Variants in CSMD1 observed in about 807,000 individuals in gnomAD.
CSMD1 encodes CUB and Sushi multiple domains 1.
A neutral mutation model predicts 417.5 loss-of-function variants in CSMD1; 213 were observed. The observed-to-expected ratio is 0.51, with a 90% confidence interval of 0.46 to 0.57. The LOEUF (loss-of-function observed/expected upper bound fraction) is 0.57. Ranked by LOEUF, CSMD1 falls within the 20% of genes least tolerant of loss-of-function variation. CSMD1 has a pLI of 0.00. For missense variants in CSMD1, 6,923 were observed against 4,529.7 expected (o/e 1.53, Z -15.17); for synonymous variants, 2,862 against 1,736.8 (o/e 1.65, Z -16.11).
At chr8:3,064,147 G>A (rs948279523) in intron 49 of CSMD1, among the ~76,000 whole-genome samples, 1 of 152,166 alleles carries the variant, frequency 6.6e-6, no homozygotes, top group African/African-American at 2.4e-5. Flanking sequence ...TACTGAATAC[G>A]TTTTCAACAA....
At chr8:4,209,640 C>T (rs1387837002) in intron 3 of CSMD1, among the ~76,000 whole-genome samples, 9 of 152,094 alleles carry the variant, frequency 5.9e-5, no homozygotes, top group Admixed American at 1.3e-4. Context: ...TGGGGCTTAG[C>T]CTGGGAGGGT....
At chr8:4,177,606 G>T (rs372923257) in intron 3 of CSMD1, among the ~76,000 whole-genome samples, 3 of 149,686 alleles carry the variant, frequency 2.0e-5, no homozygotes, top group Non-Finnish European at 3.0e-5. Flanking sequence ...AAATAGAGAT[G>T]CAAATAACCC....
At chr8:3,244,563 A>G (rs557941914) in intron 26 of CSMD1, among the ~76,000 whole-genome samples, 247 of 152,320 alleles carry the variant, frequency 1.6e-3, no homozygotes, top group Non-Finnish European at 2.7e-3. Flanking sequence ...AGGTCGCTGC[A>G]GACATCAGCT....
intron 26 of CSMD1, chr8:3,278,780 T>C (rs968301524): frequency 6.6e-6 from 1 of 152,102 alleles, no homozygotes. Flanking sequence ...GTTTTGCACT[T>C]TGTGAAGAGT....
intron 41 of CSMD1, chr8:3,127,300 C>A (rs1563068922): frequency 6.6e-6 from 1 of 152,290 alleles, no homozygotes; most frequent in East Asian, 1.9e-4. Flanking sequence ...AAAACAGAGA[C>A]TGAGTAAGCA....
intron 20 of CSMD1, 54 bp from the exon 21 acceptor site, chr8:3,359,394 G>C: frequency 4.2e-6 from 4 of 951,304 alleles, no homozygotes; most frequent in South Asian, 4.0e-5. Context: ...AATACACAAA[G>C]ATTAAATAGC....
intron 26 of CSMD1, among the ~76,000 whole-genome samples, chr8:3,235,559 C>G (rs6983619): frequency 6.6e-6 from 1 of 151,986 alleles, no homozygotes; most frequent in Non-Finnish European, 1.5e-5. Context: ...AGAGCTGTAC[C>G]ACAGTAAAAA....
At chr8:4,302,252 G>C (rs1323555777) in intron 3 of CSMD1, among the ~76,000 whole-genome samples, 2 of 152,206 alleles carry the variant, frequency 1.3e-5, no homozygotes, top group African/African-American at 4.8e-5. Context: ...TAGTGTTTTA[G>C]GTGATGGTCT....
At chr8:4,426,228 C>A (rs1320187622) in intron 2 of CSMD1, among the ~76,000 whole-genome samples, 1 of 151,772 alleles carries the variant, frequency 6.6e-6, no homozygotes, top group Admixed American at 6.6e-5. Context: ...AGTTACCGGA[C>A]AAGTTTTCCA....
intron 2 of CSMD1, among the ~76,000 whole-genome samples, chr8:4,591,735 G>C (rs1474470392): frequency 1.3e-5 from 2 of 152,166 alleles, no homozygotes; most frequent in Non-Finnish European, 2.9e-5. Flanking sequence ...TTTTAAAGCA[G>C]TGAAGTGAGG....
chr8:4,379,540 T>A (rs1274834133), intron 3 of CSMD1, among the ~76,000 whole-genome samples: 1 of 152,202 alleles, frequency 6.6e-6, no homozygotes, highest in Non-Finnish European at 1.5e-5. Flanking sequence ...ATATAGGATG[T>A]CTGTATTATT....
chr8:4,637,900 G>A (rs566325070), intron 1 of CSMD1, among the ~76,000 whole-genome samples: 1 of 151,894 alleles, frequency 6.6e-6, no homozygotes, highest in East Asian at 2.0e-4. Context: ...TCGATCTCCT[G>A]ACCTCATGAT....
In CSMD1 at chr8:4,032,117, G is replaced by C. The variant is rs534519967; in HGVS notation, c.416-18C>G. ...AGGTAAAACTATTGGAAAAAGAAAA[G>C]AAAGGAGAAAAAACAAGTTAAATTT... On this transcript the variant is annotated intron_variant, in intron 3 of 69. Coordinates refer to ENST00000635120, the MANE Select transcript of CSMD1 (RefSeq NM_033225.6). 2.3e-5 allele frequency: 36 copies of C among 1,570,438 alleles called. No individual in the cohort carries two copies. In the South Asian group the frequency reaches 2.7e-4, roughly 12 times the overall value.
intron 28 of CSMD1, among the ~76,000 whole-genome samples, chr8:3,221,362 A>G (rs1421142950): frequency 6.6e-6 from 1 of 152,236 alleles, no homozygotes; most frequent in East Asian, 1.9e-4. Flanking sequence ...TATAGGCGCT[A>G]GCAGGAATGG....
chr8:3,753,620 C>G (rs73188908), intron 6 of CSMD1, among the ~76,000 whole-genome samples: 388 of 152,276 alleles, frequency 2.5e-3, no homozygotes, highest in Non-Finnish European at 4.6e-3. Flanking sequence ...AATAGCCAAA[C>G]TGCTGTGGAT....
chr8:4,334,358 G>C (rs192995356), intron 3 of CSMD1, among the ~76,000 whole-genome samples: 30 of 152,258 alleles, frequency 2.0e-4, no homozygotes, highest in Admixed American at 1.3e-3. Context: ...TAAAGCAGGT[G>C]ACCCTCCCTT....
At chr8:4,701,874 A>G (rs986509483) in intron 1 of CSMD1, among the ~76,000 whole-genome samples, 1 of 152,222 alleles carries the variant, frequency 6.6e-6, no homozygotes, top group Non-Finnish European at 1.5e-5. Context: ...TGCATCAATG[A>G]TAGACTGGAT....
chr8:4,042,748 GGGTAA>G (rs1797954321), intron 3 of CSMD1, among the ~76,000 whole-genome samples: 1 of 147,562 alleles, frequency 6.8e-6, no homozygotes, highest in Non-Finnish European at 1.5e-5. Context: ...CACAGAGGCT[GGGTAA>G]GAAGAAAGGA....
At chr8:4,719,690 G>A (rs1279794025) in intron 1 of CSMD1, among the ~76,000 whole-genome samples, 1 of 152,052 alleles carries the variant, frequency 6.6e-6, no homozygotes, top group East Asian at 1.9e-4. Context: ...AAAGTAATTT[G>A]ATTTATGTAT....
Sources: gnomAD v4.1 joint callset for allele counts (sites outside exome capture counted in the v4.1 genomes callset) on GRCh38, gnomAD v4.1.1 for gene constraint, MANE v1.5 for transcripts, NCBI Gene and HGNC (gene_info 2026-07-23, HGNC 2026-07-21) for gene names.